The following ITSN1 variants were observed in gnomAD, a reference collection of about 807,000 sequenced individuals.
The protein encoded by ITSN1 is intersectin 1.
In ITSN1, 58 loss-of-function variants were observed where a neutral mutation model predicts 239.8. The observed-to-expected ratio is 0.24, with a 90% CI of 0.20 to 0.30. The LOEUF is 0.30. Ranked by LOEUF, ITSN1 falls within the 10% of genes least tolerant of loss-of-function variation. The pLI is 1.00. For synonymous variants in ITSN1, 780 were observed against 770.8 expected (o/e 1.01, Z -0.20); for missense variants, 1,558 against 2,103.3 (o/e 0.74, Z 5.07).
intron 2 of ITSN1, 58 bp downstream of exon 2, chr21:33,718,914 G>A (rs2065321801): frequency 3.9e-6 from 5 of 1,295,934 alleles, no homozygotes; most frequent in Non-Finnish European, 5.5e-6. Flanking sequence ...TTAAAAACTT[G>A]ATATTATGGC....
Position 33,806,480 on chromosome 21 carries a change from C to T in ITSN1, c.2319+4036C>T, listed in dbSNP as rs570244223. Among the ~76,000 whole-genome samples, 221 of 152,348 alleles carry T rather than the reference C, an allele frequency of 1.5e-3. 1 individual carries two copies. The highest frequency in any genetic ancestry group is 5.2e-3 in the African/African-American group (216 of 41,576). ...TAATCTTACCTAATGAAGATGGCAG[C>T]CATGGAGCATATAAAAATTGAGAAA... On this transcript the variant is annotated intron_variant, in intron 20 of 39. Transcript: ENST00000381318.
intron 4 of ITSN1, among the ~76,000 whole-genome samples, chr21:33,734,842 G>C (rs76105145): frequency 1.5e-4 from 23 of 152,334 alleles, no homozygotes; most frequent in Non-Finnish European, 2.8e-4. Context: ...AAGTGGCAGA[G>C]TGAAAGATAT....
intron 29 of ITSN1, 71 bp from the exon 30 acceptor site, chr21:33,856,665 G>T: frequency 6.2e-7 from 1 of 1,604,690 alleles, no homozygotes. Flanking sequence ...CAGCCACGAG[G>T]ATCTTCCGTG....
At chr21:33,866,452 C>G (rs1352579475) in intron 32 of ITSN1, among the ~76,000 whole-genome samples, 2 of 151,890 alleles carry the variant, frequency 1.3e-5, no homozygotes, top group Non-Finnish European at 2.9e-5. Flanking sequence ...CAGGAAAGTG[C>G]TGACACCAGC....
chr21:33,647,325 T>A (rs2088053344), intron 1 of ITSN1, among the ~76,000 whole-genome samples: 1 of 152,204 alleles, frequency 6.6e-6, no homozygotes, highest in African/African-American at 2.4e-5. Flanking sequence ...ATATGGCTAT[T>A]CATATACAAT....
At chr21:33,720,457 A>G (rs149344462) in intron 2 of ITSN1, among the ~76,000 whole-genome samples, 1 of 152,180 alleles carries the variant, frequency 6.6e-6, no homozygotes, top group African/African-American at 2.4e-5. Context: ...AGTCTGCAAG[A>G]TCTCAGTCGT....
At chr21:33,883,813 C>CT (rs1985333391) in intron 36 of ITSN1, 142 bp downstream of exon 36, 1 of 803,906 alleles carries the variant, frequency 1.2e-6, no homozygotes, top group Non-Finnish European at 1.8e-6. Context: ...GGGGCTATTA[C>CT]TTTTTTCTAC....
chr21:33,812,700 T>C (rs1383518630), intron 21 of ITSN1, among the ~76,000 whole-genome samples: 2 of 152,048 alleles, frequency 1.3e-5, no homozygotes, highest in Non-Finnish European at 2.9e-5. Context: ...GGTCTCACTA[T>C]GTTGCCCAGG....
chr21:33,742,444 G>A (rs925695975), intron 5 of ITSN1, among the ~76,000 whole-genome samples: 5 of 152,202 alleles, frequency 3.3e-5, no homozygotes, highest in Non-Finnish European at 5.9e-5. Flanking sequence ...AACAGTGCAG[G>A]AGGAAGAGGG....
chr21:33,832,463 T>A (rs1040002477), intron 27 of ITSN1, among the ~76,000 whole-genome samples: 35 of 152,230 alleles, frequency 2.3e-4, no homozygotes, highest in Admixed American at 1.0e-3. Context: ...TAAGTGAGTG[T>A]TTGAGTGGTT....
At chr21:33,773,400 G>A (rs772666204) in intron 12 of ITSN1, among the ~76,000 whole-genome samples, 3 of 152,208 alleles carry the variant, frequency 2.0e-5, no homozygotes, top group Non-Finnish European at 4.4e-5. Context: ...CGCCATACCT[G>A]GAAAGGGGCT....
chr21:33,748,890 A>G lies in ITSN1; in HGVS notation c.347-1253A>G, dbSNP rs537585721. Among the ~76,000 whole-genome samples, 15 of 152,244 alleles carry G rather than the reference A, an allele frequency of 9.9e-5. No individual in the cohort carries two copies. In the East Asian group the frequency reaches 2.9e-3, roughly 29 times the overall value. ...AAACAAACAAAAATATTTAAAAAAA[A>G]TCAATAGGGGGCATTTAAACACTAA... On this transcript the variant is annotated intron_variant, in intron 5 of 39. Transcript: ENST00000381318.
chr21:33,713,375 G>T (rs2092470558), intron 1 of ITSN1, among the ~76,000 whole-genome samples: 1 of 152,046 alleles, frequency 6.6e-6, no homozygotes, highest in African/African-American at 2.4e-5. Flanking sequence ...GAGTAGCTGG[G>T]ACTACAGGCG....
At chr21:33,667,501 C>A (rs1029840001) in intron 1 of ITSN1, among the ~76,000 whole-genome samples, 2 of 152,144 alleles carry the variant, frequency 1.3e-5, no homozygotes, top group African/African-American at 4.8e-5. Flanking sequence ...ATCTTTACTG[C>A]TTCAGAGGTT....
At chr21:33,823,042 A>C (rs1351410867) in intron 24 of ITSN1, among the ~76,000 whole-genome samples, 1 of 152,232 alleles carries the variant, frequency 6.6e-6, no homozygotes, top group Non-Finnish European at 1.5e-5. Context: ...GTACCCTCAA[A>C]ACTGAAATAC....
chr21:33,703,322 A>AT (rs1364354715), intron 1 of ITSN1, among the ~76,000 whole-genome samples: 1 of 151,944 alleles, frequency 6.6e-6, no homozygotes, highest in Non-Finnish European at 1.5e-5. Flanking sequence ...GATCATCAGT[A>AT]TTTTTTCTTT....
chr21:33,704,205 T>C (rs1222524202), intron 1 of ITSN1, among the ~76,000 whole-genome samples: 2 of 152,206 alleles, frequency 1.3e-5, no homozygotes, highest in African/African-American at 4.8e-5. Context: ...GTCAGGAAGC[T>C]TTTCCTTTTT....
At chr21:33,858,026 C>T (rs882365) in intron 30 of ITSN1, among the ~76,000 whole-genome samples, 33,461 of 151,930 alleles carry the variant, frequency 0.22, 4,133 homozygotes, top group East Asian at 0.4. Context: ...AAGTGGAACA[C>T]GGGGTTCCAC....
chr21:33,653,802 G>A lies in ITSN1; in HGVS notation c.-33+11089G>A, dbSNP rs555356948. 3.4e-4 allele frequency among the ~76,000 whole-genome samples: 52 copies of A among 152,254 alleles called. 1 individual carries two copies. The South Asian group carries it at 3.5e-3, about 10-fold the overall frequency. On this transcript the variant is annotated intron_variant, in intron 1 of 39. Transcript: ENST00000381318. ...CTCCCACAGTTCTGGAATTACAGGCGTGAGCCACTGCGCCCGGCCAATGTC... is the reference window on the plus strand; with the variant it reads ...CTCCCACAGTTCTGGAATTACAGGCATGAGCCACTGCGCCCGGCCAATGTC...
Sources: allele counts gnomAD v4.1 joint callset (sites outside exome capture counted in the v4.1 genomes callset), GRCh38; gene constraint gnomAD v4.1.1; transcripts MANE v1.5; gene names NCBI Gene and HGNC (gene_info 2026-07-23, HGNC 2026-07-21).